Variants in EPHX3 observed in about 807,000 individuals in gnomAD.
The protein encoded by EPHX3 is epoxide hydrolase 3.
In EPHX3, 39 loss-of-function variants were observed where a neutral mutation model predicts 40.2. That is an observed-to-expected ratio of 0.97 (90% confidence interval 0.75 to 1.27). The LOEUF (loss-of-function observed/expected upper bound fraction) is 1.27, where lower values mean the gene tolerates loss of function less well. Ranked by LOEUF, EPHX3 falls within the 50% of genes most tolerant of loss-of-function variation. The pLI is 0.00. For missense variants in EPHX3, 442 were observed against 474.0 expected (o/e 0.93, Z 0.63); for synonymous variants, 213 against 209.7 (o/e 1.02, Z -0.14).
intron 4 of EPHX3, among the ~76,000 whole-genome samples, chr19:15,230,058 T>A (rs932066152): frequency 1.3e-5 from 2 of 151,952 alleles, no homozygotes; most frequent in Non-Finnish European, 1.5e-5. Flanking sequence ...ATGGGGATAA[T>A]ACAACCTTCA....
In EPHX3 at chr19:15,232,275, G is replaced by T; in HGVS notation, c.-64C>A. On this transcript the variant is annotated 5_prime_UTR_variant, in exon 1 of 7. Transcript: ENST00000221730. ...GGGGCACCTGCAGCAGCGGCGAAGC[G>T]GTGTCAGGGCTCAGGGGCCCATCGC... 4 of 1,427,554 alleles carry T rather than the reference G, an allele frequency of 2.8e-6. No individual in the cohort carries two copies. The highest frequency in any genetic ancestry group is 3.6e-6 in the Non-Finnish European group (4 of 1,103,962). 88.4% of individuals were successfully genotyped at this position (1,427,554 alleles called of 1,614,324 possible).
At chr19:15,231,750 C>T (rs766307910) in intron 2 of EPHX3, 26 bp downstream of exon 2, 1 of 1,612,206 alleles carries the variant, frequency 6.2e-7, no homozygotes, top group South Asian at 1.1e-5. Context: ...GTCCCGTGGG[C>T]CTCAGGCCCC....
chr19:15,236,399 G>A (rs1159677088), upstream of EPHX3: 1 of 151,954 alleles, frequency 6.6e-6, no homozygotes, highest in Non-Finnish European at 1.5e-5. Flanking sequence ...GGGGGATGTA[G>A]ACTTATATCT....
rs752531779 is a variant in EPHX3 at position 15,231,825 on chromosome 19, G to T, written c.280C>A (p.Arg94=). 4.3e-6 allele frequency: 7 copies of T among 1,613,858 alleles called. No homozygotes were observed. Among genetic ancestry groups the T allele is most frequent in the South Asian group, 1.1e-5 (1 of 91,074 alleles). ...AACAGCATGAGGGGTCCGTTACCTCGTCCAGCCGAGACATAGTGCAGACGC... is the reference window on the plus strand; with the variant it reads ...AACAGCATGAGGGGTCCGTTACCTCTTCCAGCCGAGACATAGTGCAGACGC... The part of the protein sequence containing the change: ...GLRLHYVSAG[R]GNGPLMLFLH... Residue 94 remains arginine, a synonymous_variant, in exon 2 of 7, where the codon CGA becomes AGA. Transcript: ENST00000221730.
In EPHX3 at chr19:15,228,157, C is replaced by T. The variant is rs1326800068; in HGVS notation, c.617-57G>A. On this transcript the variant is annotated intron_variant, in intron 4 of 6. Coordinates refer to ENST00000221730, the MANE Select transcript of EPHX3 (RefSeq NM_024794.3). ...GGCCTGCTCCTGGGGTGGCCCCATA[C>T]ACCTGCACCCCTACACATACCCAGG... 18 of 1,339,738 alleles carry T rather than the reference C, an allele frequency of 1.3e-5. No homozygotes were observed. The Admixed American group carries it at 1.8e-4, about 13-fold the overall frequency. The allele number at this position is 1,339,738 out of a possible 1,614,324, so 83.0% of individuals were successfully genotyped here.
upstream of EPHX3, among the ~76,000 whole-genome samples, chr19:15,233,803 G>T (rs1172576550): frequency 1.3e-5 from 2 of 152,250 alleles, no homozygotes; most frequent in African/African-American, 4.8e-5. Flanking sequence ...GGTGGCTCAC[G>T]CCTGTAATCC....
chr19:15,234,954 C>T (rs1323289234), upstream of EPHX3, among the ~76,000 whole-genome samples: 1 of 152,152 alleles, frequency 6.6e-6, no homozygotes. Context: ...TAACCACTAC[C>T]TTTCTTTTGT....
chr19:15,234,859 A>G (rs1343553155), upstream of EPHX3, among the ~76,000 whole-genome samples: 2 of 152,242 alleles, frequency 1.3e-5, no homozygotes, highest in Non-Finnish European at 2.9e-5. Context: ...GTTCTGCCTC[A>G]GTGAACAATG....
upstream of EPHX3, chr19:15,236,165 TAGG>T (rs1228472151): frequency 3.9e-5 from 6 of 152,188 alleles, no homozygotes; most frequent in Admixed American, 2.6e-4. Flanking sequence ...AGAGGGGATG[TAGG>T]AGAATAAACA....
upstream of EPHX3, among the ~76,000 whole-genome samples, chr19:15,234,782 CATT>C (rs1162393861): frequency 2.0e-5 from 3 of 152,276 alleles, no homozygotes; most frequent in South Asian, 4.2e-4. Context: ...GGCTGCTAAA[CATT>C]ATACTGTCCT....
intron 2 of EPHX3, 44 bp from the exon 3 acceptor site, chr19:15,231,440 G>A (rs1440109511): frequency 1.2e-6 from 2 of 1,601,446 alleles, no homozygotes; most frequent in Non-Finnish European, 1.7e-6. Context: ...GGGCCCTCAG[G>A]TTGCACCTGC....
chr19:15,232,302 C>G lies in EPHX3; in HGVS notation c.-91G>C. ...TGTCAGGGCTCAGGGGCCCATCGCC[C>G]TTGGCCTGGGGCCCCTCCGTGCCGT... On this transcript the variant is annotated 5_prime_UTR_variant, in exon 1 of 7. Coordinates refer to ENST00000221730, the MANE Select transcript of EPHX3 (RefSeq NM_024794.3). 1 of 1,395,186 alleles carries G rather than the reference C, an allele frequency of 7.2e-7. No individual in the cohort carries two copies. The highest frequency in any genetic ancestry group is 9.2e-7 in the Non-Finnish European group (1 of 1,087,158). The allele number at this position is 1,395,186 out of a possible 1,614,324, so 86.4% of individuals were successfully genotyped here.
Position 15,227,124 on chromosome 19 carries a change from AG to A in EPHX3, c.*312del, listed in dbSNP as rs1471546175. 2.5e-6 allele frequency: 1 copy of A among 401,734 alleles called. No homozygotes were observed. The highest frequency in any genetic ancestry group is 5.1e-5 in the East Asian group (1 of 19,770). 24.9% of individuals were successfully genotyped at this position (401,734 alleles called of 1,614,324 possible). A position where few individuals can be genotyped will look rare whatever the true frequency, so the allele number is the denominator to read the frequency against. ...AGCGACTTTGGCAAAGCGCAGAGTG[AG>A]GCCCCAGGAAGGGAGGAGGTGGGAC... On this transcript the variant is annotated 3_prime_UTR_variant, in exon 7 of 7. Coordinates refer to ENST00000221730, the MANE Select transcript of EPHX3 (RefSeq NM_024794.3).
intron 3 of EPHX3, 56 bp downstream of exon 3, chr19:15,231,183 G>C (rs1478901213): frequency 2.5e-6 from 4 of 1,612,474 alleles, no homozygotes; most frequent in Non-Finnish European, 3.4e-6. Flanking sequence ...GAAAGCGGGG[G>C]TATGCGTGTG....
chr19:15,229,907 A>AAAAAAAAAAAAAAAAAAAAGAAAAG (rs1203339827), intron 4 of EPHX3, among the ~76,000 whole-genome samples: 1 of 140,184 alleles, frequency 7.1e-6, no homozygotes, highest in East Asian at 2.0e-4. Flanking sequence ...AAAAAAAAAA[A>AAAAAAAAAAAAAAAAAAAAGAAAAG]AAAAGAAAAG....
chr19:15,231,906 G>C, intron 1 of EPHX3, 45 bp from the exon 2 acceptor site: 1 of 1,612,708 alleles, frequency 6.2e-7, no homozygotes, highest in Non-Finnish European at 8.5e-7. Flanking sequence ...CCTCTCTCCC[G>C]AGGCTTGAAC....
upstream of EPHX3, chr19:15,236,955 C>T (rs1413581929): frequency 1.0e-5 from 2 of 197,762 alleles, no homozygotes; most frequent in East Asian, 7.7e-5. Flanking sequence ...GCACCAGCGT[C>T]GTGGTGTAGA....
upstream of EPHX3, among the ~76,000 whole-genome samples, chr19:15,234,281 G>T (rs898076165): frequency 4.6e-5 from 7 of 152,320 alleles, no homozygotes; most frequent in East Asian, 1.3e-3. Flanking sequence ...CCGCAAAGAT[G>T]TAGGGAAAAA....
chr19:15,227,718 C>T, intron 6 of EPHX3, 53 bp downstream of exon 6: 1 of 1,609,410 alleles, frequency 6.2e-7, no homozygotes, highest in Non-Finnish European at 8.5e-7. Context: ...GGTTGCCTCC[C>T]ACCCCCCTGC....
Sources: allele counts gnomAD v4.1 joint callset (sites outside exome capture counted in the v4.1 genomes callset), GRCh38; gene constraint gnomAD v4.1.1; transcripts MANE v1.5; gene names NCBI Gene and HGNC (gene_info 2026-07-23, HGNC 2026-07-21).